MRPL48: variants seen among roughly 807,000 people sequenced by gnomAD.
The protein encoded by MRPL48 is large ribosomal subunit protein mL48.
A neutral mutation model predicts 32.9 loss-of-function variants in MRPL48; 16 were observed. The observed-to-expected ratio is 0.49, with a 90% confidence interval of 0.33 to 0.74. MRPL48 has a LOEUF of 0.74. MRPL48 is among the 30% of genes least tolerant of loss of function. The pLI, the probability that MRPL48 is intolerant of heterozygous loss-of-function variation, is 0.02. For synonymous variants in MRPL48, 94 were observed against 89.2 expected (o/e 1.05, Z -0.31); for missense variants, 206 against 245.3 (o/e 0.84, Z 1.07).
intron 1 of MRPL48, among the ~76,000 whole-genome samples, chr11:73,801,041 C>G (rs1338664097): frequency 2.6e-5 from 4 of 152,124 alleles, no homozygotes; most frequent in Non-Finnish European, 5.9e-5. Context: ...AAACTCCGGA[C>G]CTCAGGTGAT....
chr11:73,850,539 C>T, intron 5 of MRPL48: 1 of 389,908 alleles, frequency 2.6e-6, no homozygotes, highest in Non-Finnish European at 5.0e-6. Flanking sequence ...TTTACTATTT[C>T]TTCAACATTC....
intron 2 of MRPL48, among the ~76,000 whole-genome samples, chr11:73,806,312 C>T (rs1371227390): frequency 6.6e-6 from 1 of 152,106 alleles, no homozygotes; most frequent in Admixed American, 6.6e-5. Flanking sequence ...ATTAGCTGTG[C>T]TGTGGTTTGC....
chr11:73,837,623 G>A lies in MRPL48; in HGVS notation c.202-7184G>A, dbSNP rs185293483. ...ATAATTTACCCTATAGTCTATTTGG[G>A]GGACCAGAGTGCAGTCCTACAAGGA... On this transcript the variant is annotated intron_variant, in intron 4 of 7. Coordinates refer to ENST00000310614, the MANE Select transcript of MRPL48 (RefSeq NM_016055.6). Among the ~76,000 whole-genome samples, 130 of 152,166 alleles carry A rather than the reference G, an allele frequency of 8.5e-4. 1 individual carries two copies. The highest frequency in any genetic ancestry group is 1.7e-3 in the Non-Finnish European group (113 of 68,000).
chr11:73,802,113 A>G (rs1198355501), intron 1 of MRPL48: 3 of 152,214 alleles, frequency 2.0e-5, no homozygotes. Flanking sequence ...GATCCTCAGC[A>G]ACGTCTGTAA....
chr11:73,819,589 G>C (rs1222623162), intron 3 of MRPL48, among the ~76,000 whole-genome samples: 1 of 152,164 alleles, frequency 6.6e-6, no homozygotes, highest in Non-Finnish European at 1.5e-5. Flanking sequence ...TTTACCTTCT[G>C]TCTCATTCAT....
At chr11:73,790,052 T>C (rs1369668411) in intron 1 of MRPL48, among the ~76,000 whole-genome samples, 2 of 147,202 alleles carry the variant, frequency 1.4e-5, no homozygotes, top group Non-Finnish European at 3.0e-5. Flanking sequence ...TACACCACCA[T>C]GCTCAGCTAA....
chr11:73,835,937 TTTTAA>T (rs1948093294), intron 4 of MRPL48, among the ~76,000 whole-genome samples: 2 of 152,040 alleles, frequency 1.3e-5, no homozygotes. Flanking sequence ...ATTTATTTAT[TTTTAA>T]TTTATTTTTT....
At chr11:73,861,289 C>T (rs1244797384) in intron 6 of MRPL48, among the ~76,000 whole-genome samples, 2 of 152,136 alleles carry the variant, frequency 1.3e-5, no homozygotes, top group Non-Finnish European at 2.9e-5. Flanking sequence ...TACTCAGGTG[C>T]CTTCATGATT....
At chr11:73,837,386 T>A (rs996078308) in intron 4 of MRPL48, among the ~76,000 whole-genome samples, 1 of 149,640 alleles carries the variant, frequency 6.7e-6, no homozygotes, top group African/African-American at 2.5e-5. Context: ...TTCCCCCTTG[T>A]GTAGAATTAG....
intron 5 of MRPL48, chr11:73,850,657 T>C: frequency 3.3e-6 from 1 of 304,206 alleles, no homozygotes; most frequent in Non-Finnish European, 6.3e-6. Flanking sequence ...TTTTTACTAC[T>C]TCTGAGGTCT....
chr11:73,841,888 C>G (rs1313627824), intron 4 of MRPL48, among the ~76,000 whole-genome samples: 1 of 152,104 alleles, frequency 6.6e-6, no homozygotes, highest in Non-Finnish European at 1.5e-5. Context: ...TTCCTACCCC[C>G]AGACCCCAGC....
intron 3 of MRPL48, among the ~76,000 whole-genome samples, chr11:73,814,601 A>G (rs1354556855): frequency 6.6e-6 from 1 of 151,906 alleles, no homozygotes; most frequent in Non-Finnish European, 1.5e-5. Flanking sequence ...AGGCTGAGGC[A>G]GGAGAATTGC....
At chr11:73,816,813 T>G (rs996820420) in intron 3 of MRPL48, among the ~76,000 whole-genome samples, 1 of 151,370 alleles carries the variant, frequency 6.6e-6, no homozygotes, top group Non-Finnish European at 1.5e-5. Flanking sequence ...TGTCATTTTT[T>G]GTTTATTTTG....
chr11:73,809,190 A>G (rs2134971716), intron 3 of MRPL48, among the ~76,000 whole-genome samples: 1 of 151,770 alleles, frequency 6.6e-6, no homozygotes, highest in African/African-American at 2.4e-5. Context: ...ACTGTAGTGT[A>G]CCATTTGAAG....
chr11:73,836,399 A>T (rs1948104729), intron 4 of MRPL48, among the ~76,000 whole-genome samples: 1 of 152,082 alleles, frequency 6.6e-6, no homozygotes, highest in Non-Finnish European at 1.5e-5. Flanking sequence ...GGTTTTCACC[A>T]TGTTGGCCAG....
intron 5 of MRPL48, among the ~76,000 whole-genome samples, chr11:73,854,432 C>T (rs1356456687): frequency 2.6e-5 from 4 of 152,076 alleles, no homozygotes; most frequent in Admixed American, 6.6e-5. Flanking sequence ...TACAGGCACC[C>T]GCCACCACCA....
chr11:73,855,280 A>C (rs1482654152), intron 5 of MRPL48, among the ~76,000 whole-genome samples: 1 of 151,600 alleles, frequency 6.6e-6, no homozygotes, highest in Non-Finnish European at 1.5e-5. Flanking sequence ...AAATGCTTTG[A>C]TGGCTTCCCA....
chr11:73,825,688 TCTTA>T lies in MRPL48; in HGVS notation c.113-19_113-16del. On this transcript the variant is annotated splice_polypyrimidine_tract_variant and intron_variant, in intron 3 of 7. Transcript: ENST00000310614. ...TAGCAACAACAAAAAAACAGGTTTG[TCTTA>T]TTTTCTCTCTTTTAGGTGGAATTCT... The T allele has an allele frequency of 6.5e-7, 1 of 1,544,392 alleles. No homozygotes were observed. The highest frequency in any genetic ancestry group is 1.2e-5 in the South Asian group (1 of 83,590).
At chr11:73,804,486 G>A (rs992092186) in intron 1 of MRPL48, among the ~76,000 whole-genome samples, 11 of 151,658 alleles carry the variant, frequency 7.3e-5, no homozygotes, top group Non-Finnish European at 1.5e-4. Flanking sequence ...TGGTCAGGTT[G>A]GTCTTGAACT....
Sources: gnomAD v4.1 joint callset for allele counts (sites outside exome capture counted in the v4.1 genomes callset) on GRCh38, gnomAD v4.1.1 for gene constraint, MANE v1.5 for transcripts, NCBI Gene and HGNC (gene_info 2026-07-23, HGNC 2026-07-21) for gene names.